DEFB121: variants seen among roughly 807,000 people sequenced by gnomAD.
The protein encoded by DEFB121 is defensin beta 121.
A neutral mutation model predicts 2.5 loss-of-function variants in DEFB121; 5 were observed. That is an observed-to-expected ratio of 1.96 (90% CI 1.03 to 4.13). The LOEUF (loss-of-function observed/expected upper bound fraction) is 4.13, where lower values mean the gene tolerates loss of function less well. Among genes scored for constraint, DEFB121 ranks in the 30% most tolerant of loss-of-function variants. The pLI is 0.00. For synonymous variants in DEFB121, 39 were observed against 32.6 expected (o/e 1.20, Z -0.67); for missense variants, 87 against 85.0 (o/e 1.02, Z -0.09).
the DEFB121 span, among the ~76,000 whole-genome samples, chr20:31,418,509 G>A: frequency 1.3e-5 from 2 of 152,018 alleles, no homozygotes; most frequent in African/African-American, 2.4e-5. Context: ...CATAAGACTC[G>A]CCCACCAATG....
At chr20:31,417,728 C>A (rs533496473), upstream of DEFB121, among the ~76,000 whole-genome samples, 122 of 152,140 alleles carry the variant, frequency 8.0e-4, no homozygotes, top group African/African-American at 2.9e-3. Context: ...TTTGGCAGAC[C>A]GAGGCAGGCC....
At chr20:31,417,349 A>C (rs1437371184), upstream of DEFB121, among the ~76,000 whole-genome samples, 1 of 152,172 alleles carries the variant, frequency 6.6e-6, no homozygotes, top group Non-Finnish European at 1.5e-5. Context: ...TGTCTCAAAA[A>C]GAAAGAAAGA....
At chr20:31,417,906 T>C in the DEFB121 span, among the ~76,000 whole-genome samples, 1 of 151,884 alleles carries the variant, frequency 6.6e-6, no homozygotes, top group Non-Finnish European at 1.5e-5. Flanking sequence ...GAGGTTGCAG[T>C]GAGCCGAGAT....
At chr20:31,417,158 A>G (rs916052560), upstream of DEFB121, among the ~76,000 whole-genome samples, 4 of 152,052 alleles carry the variant, frequency 2.6e-5, no homozygotes, top group African/African-American at 4.8e-5. Context: ...CCAGCCTGGC[A>G]ACATGGTGAA....
chr20:31,418,208 C>T, the DEFB121 span, among the ~76,000 whole-genome samples: 109 of 138,962 alleles, frequency 7.8e-4, 1 homozygote, highest in Non-Finnish European at 6.6e-4. Flanking sequence ...TGCAGTGAGC[C>T]GAGGTCCCGC....
chr20:31,416,020 G>A (rs937265140), upstream of DEFB121, among the ~76,000 whole-genome samples: 2 of 151,994 alleles, frequency 1.3e-5, no homozygotes, highest in Non-Finnish European at 2.9e-5. Context: ...GAGGGAGGTT[G>A]AAAAGGCAGA....
At chr20:31,410,983 C>G, upstream of DEFB121, among the ~76,000 whole-genome samples, 1 of 152,194 alleles carries the variant, frequency 6.6e-6, no homozygotes, top group East Asian at 1.9e-4. Flanking sequence ...AGATCTACTT[C>G]CCTTCTTTAA....
intron 1 of DEFB121, chr20:31,412,516 G>T: frequency 1.3e-6 from 1 of 784,018 alleles, no homozygotes; most frequent in Non-Finnish European, 1.9e-6. Context: ...GAGGTTTGCT[G>T]TGAAGATTAA....
upstream of DEFB121, chr20:31,406,247 C>T: frequency 6.4e-7 from 1 of 1,555,312 alleles, no homozygotes; most frequent in Non-Finnish European, 8.7e-7. Context: ...TATTTATTGC[C>T]TTGAGGAGCA....
Position 31,405,086 on chromosome 20 carries a change from C to G in DEFB121, c.59-1G>C. Reference sequence around the variant, plus strand: ...CCTGACTTGCCCCAACATTTCATGACTGAAAACAAAAGGGAAGAAGAGAAT... The same window carrying G: ...CCTGACTTGCCCCAACATTTCATGAGTGAAAACAAAAGGGAAGAAGAGAAT... On this transcript the variant is annotated splice_acceptor_variant, in intron 1 of 1. Coordinates refer to ENST00000376314, the MANE Select transcript of DEFB121 (RefSeq NM_001011878.3). LOFTEE classifies it high-confidence loss of function. 6.3e-7 allele frequency: 1 copy of G among 1,590,332 alleles called. No individual in the cohort carries two copies. The highest frequency in any genetic ancestry group is 8.5e-7 in the Non-Finnish European group (1 of 1,173,056).
At chr20:31,418,036 G>A in the DEFB121 span, among the ~76,000 whole-genome samples, 4 of 149,806 alleles carry the variant, frequency 2.7e-5, no homozygotes, top group African/African-American at 7.4e-5. Context: ...CGAGGCGGGC[G>A]GATCACGAGG....
upstream of DEFB121, among the ~76,000 whole-genome samples, chr20:31,407,231 C>T (rs1250371762): frequency 6.6e-6 from 1 of 152,154 alleles, no homozygotes; most frequent in Non-Finnish European, 1.5e-5. Flanking sequence ...GCCTGGGCAA[C>T]AGAGCGAGAC....
chr20:31,416,744 C>G (rs1413841169), upstream of DEFB121, among the ~76,000 whole-genome samples: 1 of 152,190 alleles, frequency 6.6e-6, no homozygotes, highest in African/African-American at 2.4e-5. Flanking sequence ...ACCTATTATT[C>G]CTAATTCTGA....
At chr20:31,418,434 A>C in the DEFB121 span, among the ~76,000 whole-genome samples, 2 of 152,144 alleles carry the variant, frequency 1.3e-5, no homozygotes. Flanking sequence ...AAGAGGTAGG[A>C]GGCAGGACTC....
At chr20:31,414,997 G>T (rs963178847), upstream of DEFB121, among the ~76,000 whole-genome samples, 9 of 152,194 alleles carry the variant, frequency 5.9e-5, no homozygotes, top group Non-Finnish European at 1.0e-4. Context: ...AGCCTAAAAG[G>T]TGGAGGCTGC....
At chr20:31,407,243 C>T (rs1443553336), upstream of DEFB121, among the ~76,000 whole-genome samples, 2 of 152,120 alleles carry the variant, frequency 1.3e-5, no homozygotes, top group Non-Finnish European at 2.9e-5. Flanking sequence ...GAGCGAGACT[C>T]TGTCTCAAAA....
intron 1 of DEFB121, 32 bp downstream of exon 1, chr20:31,406,063 G>C (rs776322166): frequency 6.2e-7 from 1 of 1,612,876 alleles, no homozygotes. Context: ...CAGGTTTCCT[G>C]ACTCCCATCC....
chr20:31,410,362 T>G (rs989777645), upstream of DEFB121, among the ~76,000 whole-genome samples: 3 of 151,768 alleles, frequency 2.0e-5, no homozygotes, highest in Non-Finnish European at 4.4e-5. Flanking sequence ...ACTACTAGAG[T>G]CAGGAGAGAG....
Position 31,405,076 on chromosome 20 carries a change from C to A in DEFB121, c.68G>T (p.Cys23Phe), listed in dbSNP as rs770914399. ...TCTGCACCTGCCTGACTTGCCCCAA[C>A]ATTTCATGACTGAAAACAAAAGGGA... ...LLAQVTPVMK[C>F]WGKSGRCRTT... The change falls in exon 2 of 2, where the codon TGT becomes TTT. Residue 23 changes from cysteine (C) to phenylalanine (F), a missense_variant. Transcript: ENST00000376314. The A allele has an allele frequency of 1.5e-5, 24 of 1,593,320 alleles. No individual in the cohort carries two copies. The highest frequency in any genetic ancestry group is 2.0e-5 in the Non-Finnish European group (24 of 1,174,266).
Sources: allele counts gnomAD v4.1 joint callset (sites outside exome capture counted in the v4.1 genomes callset), GRCh38; gene constraint gnomAD v4.1.1; transcripts MANE v1.5; gene names NCBI Gene and HGNC (gene_info 2026-07-23, HGNC 2026-07-21).